Variants in DYNLRB2 observed in about 807,000 individuals in gnomAD.
The protein encoded by DYNLRB2 is bithoraxoid-like protein.
A neutral mutation model predicts 12.6 loss-of-function variants in DYNLRB2; 14 were observed. The observed-to-expected ratio is 1.11, with a 90% CI of 0.73 to 1.73. DYNLRB2 has a LOEUF of 1.73. Ranked by LOEUF, DYNLRB2 falls within the 40% of genes most tolerant of loss-of-function variation. The pLI is 0.00. For synonymous variants in DYNLRB2, 53 were observed against 37.0 expected, an observed-to-expected ratio of 1.43 and a Z score of -1.57; for missense variants, 142 against 117.7, an observed-to-expected ratio of 1.21 and a Z score of -0.95.
intron 2 of DYNLRB2, among the ~76,000 whole-genome samples, chr16:80,546,399 T>C (rs1904469445): frequency 6.6e-6 from 1 of 152,228 alleles, no homozygotes; most frequent in African/African-American, 2.4e-5. Context: ...CATTTTAGCA[T>C]TTTCAGATTA....
chr16:80,543,411 G>A (rs372358788), intron 2 of DYNLRB2, 60 bp downstream of exon 2: 328 of 1,537,042 alleles, frequency 2.1e-4, no homozygotes, highest in African/African-American at 4.2e-4. Context: ...CCTGTTTGCC[G>A]TGTTAGTCCT....
At chr16:80,546,894 G>T (rs895620211) in intron 2 of DYNLRB2, among the ~76,000 whole-genome samples, 1 of 152,200 alleles carries the variant, frequency 6.6e-6, no homozygotes, top group Non-Finnish European at 1.5e-5. Flanking sequence ...AATAATGAGT[G>T]CTGGCTTACT....
At position 80,542,326 on chromosome 16, in the gene DYNLRB2, A is replaced by C. The variant is rs539249972; in HGVS notation, c.4-950A>C. Among the ~76,000 whole-genome samples the C allele has an allele frequency of 2.0e-5, 3 of 152,334 alleles. No individual in the cohort carries two copies. The East Asian group carries it at 5.8e-4, about 29-fold the overall frequency. ...TAGTATACATGGCATTCATAATGGCAAGAATCATGAATCTAGTACACAAAT... is the reference window on the plus strand; with the variant it reads ...TAGTATACATGGCATTCATAATGGCCAGAATCATGAATCTAGTACACAAAT... On this transcript the variant is annotated intron_variant, in intron 1 of 3. Coordinates refer to ENST00000305904, the MANE Select transcript of DYNLRB2 (RefSeq NM_130897.3).
At position 80,543,442 on chromosome 16, in the gene DYNLRB2, T is replaced by G. The variant is rs1904308385; in HGVS notation, c.79+91T>G. 9 of 1,213,478 alleles carry G rather than the reference T, an allele frequency of 7.4e-6. 1 individual carries two copies. In the South Asian group the frequency reaches 1.2e-4, roughly 16 times the overall value. 75.2% of individuals were successfully genotyped at this position (1,213,478 alleles called of 1,614,324 possible). On this transcript the variant is annotated intron_variant, in intron 2 of 3. Transcript: ENST00000305904. ...GTCCTTAAGACAAACATCTTCGAAT[T>G]TGACATCAAAAATATATTTATATAT... is the stretch of plus-strand genomic sequence containing the variant.
At chr16:80,546,310 C>T (rs1471674501) in intron 2 of DYNLRB2, among the ~76,000 whole-genome samples, 1 of 152,188 alleles carries the variant, frequency 6.6e-6, no homozygotes, top group Admixed American at 6.5e-5. Flanking sequence ...AAATTTAATA[C>T]CAAAATATTT....
chr16:80,543,445 A>G, intron 2 of DYNLRB2, 94 bp downstream of exon 2: 1 of 1,186,192 alleles, frequency 8.4e-7, no homozygotes, highest in Non-Finnish European at 1.2e-6. Context: ...TTCGAATTTG[A>G]CATCAAAAAT....
intron 2 of DYNLRB2, chr16:80,548,925 T>A: frequency 2.2e-6 from 1 of 456,020 alleles, no homozygotes; most frequent in Non-Finnish European, 4.4e-6. Context: ...TGATATCCCT[T>A]TATGTTTGTG....
intron 2 of DYNLRB2, among the ~76,000 whole-genome samples, chr16:80,545,853 T>G (rs1165287890): frequency 6.6e-6 from 1 of 150,896 alleles, no homozygotes; most frequent in Non-Finnish European, 1.5e-5. Context: ...TTTTTTGTTT[T>G]TTTTTTTTTA....
At chr16:80,546,545 A>G (rs997067358) in intron 2 of DYNLRB2, among the ~76,000 whole-genome samples, 1 of 152,194 alleles carries the variant, frequency 6.6e-6, no homozygotes, top group Non-Finnish European at 1.5e-5. Flanking sequence ...AGTCTTCCCA[A>G]TTTAGCCCAA....
At chr16:80,543,103 AT>A (rs1904304121) in intron 1 of DYNLRB2, among the ~76,000 whole-genome samples, 172 bp from the exon 2 acceptor site, 2 of 152,204 alleles carry the variant, frequency 1.3e-5, no homozygotes, top group Non-Finnish European at 1.5e-5. Flanking sequence ...TTACGTAGGT[AT>A]TTATGTGGGA....
intron 1 of DYNLRB2, chr16:80,541,490 A>G: frequency 1.5e-6 from 1 of 679,078 alleles, no homozygotes; most frequent in African/African-American, 1.9e-5. Context: ...AAAGCAAGGG[A>G]ATGGAAGGGT....
rs116589787 is a variant in DYNLRB2 at position 80,545,203 on chromosome 16, A to G, written c.79+1852A>G. Among the ~76,000 whole-genome samples the G allele has an allele frequency of 1.5e-3, 221 of 152,212 alleles. 1 individual carries two copies. Among genetic ancestry groups the G allele is most frequent in the African/African-American group, 5.1e-3 (213 of 41,518 alleles). On this transcript the variant is annotated intron_variant, in intron 2 of 3. Coordinates refer to ENST00000305904, the MANE Select transcript of DYNLRB2 (RefSeq NM_130897.3). ...AAATATTCACCCCCTTTGATCTATA[A>G]TTTTACTCCTAGCAATTTATCCTAA...
chr16:80,549,401 T>G (rs1904692725), intron 2 of DYNLRB2, 83 bp from the exon 3 acceptor site: 7 of 1,313,668 alleles, frequency 5.3e-6, no homozygotes, highest in Non-Finnish European at 7.1e-6. Flanking sequence ...TTTACAACTA[T>G]CAGTGTTTTC....
chr16:80,548,269 C>A (rs76329140), intron 2 of DYNLRB2: 1 of 162,154 alleles, frequency 6.2e-6, no homozygotes, highest in South Asian at 1.7e-4. Flanking sequence ...GGATTAGATA[C>A]GATATATATA....
At chr16:80,542,875 T>C (rs1904301294) in intron 1 of DYNLRB2, among the ~76,000 whole-genome samples, 1 of 152,242 alleles carries the variant, frequency 6.6e-6, no homozygotes, top group Non-Finnish European at 1.5e-5. Flanking sequence ...GCTCTATAAA[T>C]ATTTAAAGCA....
At position 80,543,288 on chromosome 16, in the gene DYNLRB2, G is replaced by A. The variant is rs1904306072; in HGVS notation, c.16G>A (p.Glu6Lys). MAEVE[E>K]TLKRIQSHKG... ...TGGTCTCTTTCAGGCAGAGGTGGAGGAAACCTTAAAGAGGATCCAGAGTCA... is the reference window on the plus strand; with the variant it reads ...TGGTCTCTTTCAGGCAGAGGTGGAGAAAACCTTAAAGAGGATCCAGAGTCA... The change falls in exon 2 of 4, where the codon GAA becomes AAA. Residue 6 changes from glutamate to lysine, a missense_variant. Glu to Lys is a moderately conservative substitution (Grantham distance 56). Transcript: ENST00000305904. The A allele has an allele frequency of 1.2e-6, 2 of 1,614,004 alleles. No individual in the cohort carries two copies. Among genetic ancestry groups the A allele is most frequent in the Non-Finnish European group, 1.7e-6 (2 of 1,179,908 alleles).
chr16:80,550,449 C>A (rs530781826), intron 3 of DYNLRB2, 66 bp from the exon 4 acceptor site: 1 of 1,584,198 alleles, frequency 6.3e-7, no homozygotes, highest in Non-Finnish European at 8.7e-7. Context: ...AAAAAGAAGA[C>A]TAGTTGAAAT....
intron 3 of DYNLRB2, among the ~76,000 whole-genome samples, 187 bp from the exon 4 acceptor site, chr16:80,550,328 C>T (rs921583541): frequency 6.6e-6 from 1 of 152,152 alleles, no homozygotes; most frequent in African/African-American, 2.4e-5. Flanking sequence ...AAATCAGAAT[C>T]TCTGAGGCCC....
intron 2 of DYNLRB2, 151 bp downstream of exon 2, chr16:80,543,502 G>A: frequency 2.8e-6 from 2 of 726,952 alleles, no homozygotes; most frequent in Admixed American, 2.7e-5. Flanking sequence ...AACATCTATT[G>A]AGTATCTGTT....
Sources: allele counts gnomAD v4.1 joint callset (sites outside exome capture counted in the v4.1 genomes callset), GRCh38; gene constraint gnomAD v4.1.1; transcripts MANE v1.5; gene names NCBI Gene and HGNC (gene_info 2026-07-23, HGNC 2026-07-21).